Variants in SYNDIG1 observed in about 807,000 individuals in gnomAD.
The protein encoded by SYNDIG1 is synapse differentiation inducing 1.
Under a neutral mutation model 19.4 loss-of-function variants are expected in SYNDIG1, and 9 were observed. The ratio of observed to expected loss-of-function variants is 0.46; its 90% CI spans 0.28 to 0.81. The LOEUF (loss-of-function observed/expected upper bound fraction) is 0.81. SYNDIG1 is among the 30% of genes least tolerant of loss of function. SYNDIG1 has a pLI of 0.12. For missense variants in SYNDIG1, 311 were observed against 343.3 expected, an observed-to-expected ratio of 0.91 and a Z score of 0.74; for synonymous variants, 141 against 145.9, an observed-to-expected ratio of 0.97 and a Z score of 0.24.
intron 3 of SYNDIG1, among the ~76,000 whole-genome samples, chr20:24,626,480 C>T (rs895447624): frequency 1.3e-4 from 20 of 151,564 alleles, no homozygotes; most frequent in South Asian, 6.3e-4. Context: ...AGACGATGGG[C>T]GGCCGGGCAG....
chr20:24,589,633 G>T (rs1032870957), intron 3 of SYNDIG1, among the ~76,000 whole-genome samples: 2 of 152,246 alleles, frequency 1.3e-5, no homozygotes, highest in Non-Finnish European at 2.9e-5. Context: ...AGGCCCGAGG[G>T]TTCCTGTGTT....
chr20:24,646,344 T>A (rs952520915), intron 3 of SYNDIG1, among the ~76,000 whole-genome samples: 13 of 152,146 alleles, frequency 8.5e-5, no homozygotes, highest in Admixed American at 8.5e-4. Flanking sequence ...ATGTTAAAAT[T>A]TGATCTCCAG....
At chr20:24,585,952 C>T (rs1455385680) in intron 3 of SYNDIG1, among the ~76,000 whole-genome samples, 3 of 152,226 alleles carry the variant, frequency 2.0e-5, no homozygotes, top group African/African-American at 7.2e-5. Context: ...GCAGGTCCTT[C>T]GTCTGAAACA....
intron 2 of SYNDIG1, among the ~76,000 whole-genome samples, chr20:24,581,463 G>A (rs2058321758): frequency 6.6e-6 from 1 of 152,100 alleles, no homozygotes; most frequent in South Asian, 2.1e-4. Context: ...CCCCAGCCTG[G>A]CTCTGCTGCT....
intron 3 of SYNDIG1, among the ~76,000 whole-genome samples, chr20:24,606,179 A>G (rs8125733): frequency 2.0e-5 from 3 of 152,244 alleles, no homozygotes; most frequent in African/African-American, 7.2e-5. Context: ...CTGGAGCATC[A>G]TTGCAAGTGT....
chr20:24,485,020 G>T (rs1325589557), intron 1 of SYNDIG1, among the ~76,000 whole-genome samples: 6 of 152,074 alleles, frequency 3.9e-5, no homozygotes, highest in Non-Finnish European at 8.8e-5. Context: ...ATAAAGCAAG[G>T]TTCCTCCTTC....
intron 3 of SYNDIG1, among the ~76,000 whole-genome samples, chr20:24,603,407 T>G (rs1247529079): frequency 1.3e-5 from 2 of 152,088 alleles, no homozygotes; most frequent in African/African-American, 4.8e-5. Flanking sequence ...AGGTGAGGGC[T>G]GGAGGTGCCC....
rs1163566039 is a variant in SYNDIG1, at chr20:24,584,980, A to G, written c.605A>G (p.Tyr202Cys). The part of the protein sequence containing the change: ...CFWPLGIAAF[Y>C]LSHETNKAVA... ...TGGCCTCTGGGCATCGCAGCCTTCT[A>G]CTTGTCCCATGAGGTAAGGCCTCCT... is the stretch of plus-strand genomic sequence containing the variant. The change falls in exon 3 of 4, where the codon TAC becomes TGC. Residue 202 changes from tyrosine to cysteine, a missense_variant. Transcript: ENST00000376862. The G allele has an allele frequency of 1.1e-5, 17 of 1,547,294 alleles. No individual in the cohort carries two copies. The highest frequency in any genetic ancestry group is 1.5e-5 in the Non-Finnish European group (17 of 1,142,554).
intron 1 of SYNDIG1, among the ~76,000 whole-genome samples, chr20:24,504,205 G>A (rs545939158): frequency 2.0e-4 from 31 of 152,228 alleles, no homozygotes; most frequent in African/African-American, 6.7e-4. Flanking sequence ...TGATCCGCCC[G>A]CCTCGGCCTC....
intron 1 of SYNDIG1, among the ~76,000 whole-genome samples, chr20:24,540,596 CT>C (rs2057449957): frequency 6.6e-6 from 1 of 152,146 alleles, no homozygotes; most frequent in Admixed American, 6.5e-5. Context: ...AGCATCAATG[CT>C]TTTCCAGAAA....
At chr20:24,567,550 A>G (rs2058069746) in intron 2 of SYNDIG1, among the ~76,000 whole-genome samples, 1 of 152,200 alleles carries the variant, frequency 6.6e-6, no homozygotes, top group Admixed American at 6.5e-5. Context: ...GGAGAGCCCA[A>G]AGGGGCTCTG....
Position 24,583,240 on chromosome 20 carries a change from A to T in SYNDIG1, c.481-1616A>T, listed in dbSNP as rs1177094609. Among the ~76,000 whole-genome samples the T allele has an allele frequency of 2.0e-5, 3 of 152,182 alleles. No homozygotes were observed. The East Asian group carries it at 5.8e-4, about 29-fold the overall frequency. On this transcript the variant is annotated intron_variant, in intron 2 of 3. Coordinates refer to ENST00000376862, the MANE Select transcript of SYNDIG1 (RefSeq NM_024893.3). ...CTGGGGGCACTCAGGCATCGGTGGC[A>T]AGCAGCGGGCTCGCAGCCACGCAAG... is the stretch of plus-strand genomic sequence containing the variant.
chr20:24,487,870 C>T (rs1053500482), intron 1 of SYNDIG1, among the ~76,000 whole-genome samples: 2 of 152,056 alleles, frequency 1.3e-5, no homozygotes, highest in Non-Finnish European at 2.9e-5. Flanking sequence ...TACAAGGAAG[C>T]GAAAGTGGCG....
intron 1 of SYNDIG1, among the ~76,000 whole-genome samples, chr20:24,513,253 C>T (rs2146478710): frequency 6.6e-6 from 1 of 152,278 alleles, no homozygotes; most frequent in African/African-American, 2.4e-5. Context: ...TCCTCGCCAG[C>T]AATGGAAAAA....
intron 3 of SYNDIG1, among the ~76,000 whole-genome samples, chr20:24,626,641 A>T (rs1182671165): frequency 1.4e-5 from 2 of 139,748 alleles, no homozygotes. Flanking sequence ...ATGGGCGGCC[A>T]GGCAGAGACG....
chr20:24,609,370 C>T (rs11699265), intron 3 of SYNDIG1, among the ~76,000 whole-genome samples: 24,560 of 152,148 alleles, frequency 0.16, 2,355 homozygotes, highest in East Asian at 0.34. Flanking sequence ...TCCTTTTAGA[C>T]GGGGCACTCT....
chr20:24,651,687 C>T (rs1034940268), intron 3 of SYNDIG1, among the ~76,000 whole-genome samples: 1 of 152,240 alleles, frequency 6.6e-6, no homozygotes, highest in Non-Finnish European at 1.5e-5. Context: ...CCACGCATTT[C>T]TTGACCTGCT....
intron 1 of SYNDIG1, among the ~76,000 whole-genome samples, chr20:24,534,055 G>A (rs139410840): frequency 1.3e-4 from 20 of 152,166 alleles, no homozygotes; most frequent in Non-Finnish European, 2.8e-4. Flanking sequence ...CATGACAAAG[G>A]GGGAGCAAGA....
intron 3 of SYNDIG1, among the ~76,000 whole-genome samples, chr20:24,647,674 G>C (rs781600713): frequency 6.6e-6 from 1 of 151,776 alleles, no homozygotes; most frequent in African/African-American, 2.4e-5. Context: ...AGTTAAGAAG[G>C]CCCAGCAAGC....
Sources: allele counts gnomAD v4.1 joint callset (sites outside exome capture counted in the v4.1 genomes callset), GRCh38; gene constraint gnomAD v4.1.1; transcripts MANE v1.5; gene names NCBI Gene and HGNC (gene_info 2026-07-23, HGNC 2026-07-21).